The following MSTO1 variants were observed in gnomAD, a reference collection of about 807,000 sequenced individuals.
The protein encoded by MSTO1 is protein misato homolog 1.
A neutral mutation model predicts 55.7 loss-of-function variants in MSTO1; 24 were observed. The ratio of observed to expected loss-of-function variants is 0.43; its 90% CI spans 0.31 to 0.61. MSTO1 has a LOEUF of 0.61. Among genes scored for constraint, MSTO1 ranks in the 20% least tolerant of loss-of-function variants. MSTO1 has a pLI of 0.09. For synonymous variants in MSTO1, 162 were observed against 252.8 expected (o/e 0.64, Z 3.41); for missense variants, 363 against 625.7 (o/e 0.58, Z 4.48).
At chr1:155,590,616 G>T in the MSTO1 span, 2 of 1,343,280 alleles carry the variant, frequency 1.5e-6, no homozygotes, top group African/African-American at 1.5e-5. Context: ...CGTAATTCTT[G>T]GTAGGGTACT....
the MSTO1 span, among the ~76,000 whole-genome samples, chr1:155,576,886 G>T: frequency 1.4e-5 from 2 of 148,076 alleles, no homozygotes; most frequent in African/African-American, 5.0e-5. Flanking sequence ...GTGGTGGCAG[G>T]CGCTTGTAAT....
chr1:155,567,175 G>C, the MSTO1 span, among the ~76,000 whole-genome samples: 1 of 151,532 alleles, frequency 6.6e-6, no homozygotes, highest in East Asian at 2.0e-4. Context: ...CCAGGTTGCA[G>C]AGCAGTGGAG....
chr1:155,566,262 G>C, the MSTO1 span: 1 of 152,214 alleles, frequency 6.6e-6, no homozygotes, highest in African/African-American at 2.4e-5. Context: ...CTGCTAGTTT[G>C]ACATCCAGGA....
At chr1:155,591,225 A>G in the MSTO1 span, 1 of 1,611,098 alleles carries the variant, frequency 6.2e-7, no homozygotes, top group Non-Finnish European at 8.5e-7. Context: ...CAGCAGTGTC[A>G]GGACGACTCC....
At chr1:155,571,163 A>T in the MSTO1 span, among the ~76,000 whole-genome samples, 3 of 152,174 alleles carry the variant, frequency 2.0e-5, no homozygotes, top group Admixed American at 6.6e-5. Flanking sequence ...TCTATAAAAA[A>T]GTAAAAATTA....
chr1:155,572,820 T>C, the MSTO1 span, among the ~76,000 whole-genome samples: 5 of 151,956 alleles, frequency 3.3e-5, no homozygotes, highest in African/African-American at 4.8e-5. Flanking sequence ...CTGGCTAATT[T>C]TGTATTTTTA....
the MSTO1 span, among the ~76,000 whole-genome samples, chr1:155,597,776 CTGGGATTA>C: frequency 2.0e-5 from 3 of 150,360 alleles, no homozygotes; most frequent in Non-Finnish European, 4.4e-5. Flanking sequence ...TCCCAAAGTG[CTGGGATTA>C]CAGGCGTGAG....
the MSTO1 span, among the ~76,000 whole-genome samples, chr1:155,595,361 G>T: frequency 6.6e-6 from 1 of 151,898 alleles, no homozygotes. Context: ...TGTATTTTTA[G>T]TGGAGACGGA....
chr1:155,593,798 C>G, the MSTO1 span, among the ~76,000 whole-genome samples: 4 of 151,994 alleles, frequency 2.6e-5, no homozygotes, highest in African/African-American at 9.7e-5. Context: ...GAAACCCTGT[C>G]TCTACTAAAA....
chr1:155,600,897 CG>C, the MSTO1 span, among the ~76,000 whole-genome samples: 5 of 149,924 alleles, frequency 3.3e-5, no homozygotes, highest in Non-Finnish European at 7.4e-5. Flanking sequence ...AGTATGGTCT[CG>C]ATCTCCTGAT....
At chr1:155,608,394 A>G (rs1169106096), upstream of MSTO1, among the ~76,000 whole-genome samples, 1 of 151,806 alleles carries the variant, frequency 6.6e-6, no homozygotes, top group Non-Finnish European at 1.5e-5. Flanking sequence ...CTACCCTCAC[A>G]TTCTCGAATT....
At chr1:155,578,432 A>T in the MSTO1 span, among the ~76,000 whole-genome samples, 1 of 121,188 alleles carries the variant, frequency 8.3e-6, no homozygotes, top group East Asian at 2.6e-4. Flanking sequence ...TCCGCCTCCC[A>T]GGTTCACGTG....
At chr1:155,565,408 G>A in the MSTO1 span, among the ~76,000 whole-genome samples, 2 of 152,174 alleles carry the variant, frequency 1.3e-5, no homozygotes, top group South Asian at 2.1e-4. Context: ...AGGGGAACAC[G>A]TATTCCTGTT....
the MSTO1 span, chr1:155,598,953 C>T: frequency 1.3e-5 from 15 of 1,198,346 alleles, no homozygotes; most frequent in South Asian, 1.3e-5. Flanking sequence ...CTGTTAGGTT[C>T]AGTTATCTTG....
the MSTO1 span, among the ~76,000 whole-genome samples, chr1:155,589,221 C>T: frequency 2.6e-5 from 4 of 152,008 alleles, no homozygotes; most frequent in African/African-American, 9.7e-5. Flanking sequence ...TCGCTTGAAC[C>T]CAAGAGGTGG....
chr1:155,591,239 G>A, the MSTO1 span: 1 of 1,608,782 alleles, frequency 6.2e-7, no homozygotes, highest in Non-Finnish European at 8.5e-7. Context: ...CGACTCCCAG[G>A]ATCTGCATTC....
At chr1:155,576,069 G>A in the MSTO1 span, among the ~76,000 whole-genome samples, 1 of 151,966 alleles carries the variant, frequency 6.6e-6, no homozygotes, top group East Asian at 1.9e-4. Flanking sequence ...TGATCCGCCT[G>A]CTTCGGCCTC....
the MSTO1 span, among the ~76,000 whole-genome samples, chr1:155,595,224 C>A: frequency 1.5e-5 from 2 of 132,910 alleles, no homozygotes; most frequent in African/African-American, 5.6e-5. Context: ...GTCACCCAGG[C>A]TGGAGTGCAG....
chr1:155,609,954 T>C (rs1673460168), upstream of MSTO1: 1 of 453,812 alleles, frequency 2.2e-6, no homozygotes. Context: ...GCCCGCGCCC[T>C]GGCGGCCCCA....
Sources: gnomAD v4.1 joint callset for allele counts (sites outside exome capture counted in the v4.1 genomes callset) on GRCh38, gnomAD v4.1.1 for gene constraint, MANE v1.5 for transcripts, NCBI Gene and HGNC (gene_info 2026-07-23, HGNC 2026-07-21) for gene names.